The following WAC variants were observed in gnomAD, a reference collection of about 807,000 sequenced individuals.
The protein encoded by WAC is WW domain containing adaptor with coiled-coil.
Under a neutral mutation model 79.6 loss-of-function variants are expected in WAC, and 11 were observed. That is an observed-to-expected ratio of 0.14 (90% CI 0.09 to 0.23). The LOEUF is 0.23. Among genes scored for constraint, WAC ranks in the 10% least tolerant of loss-of-function variants. WAC has a pLI of 1.00. For missense variants in WAC, 728 were observed against 773.5 expected (o/e 0.94, Z 0.70); for synonymous variants, 304 against 276.9 (o/e 1.10, Z -0.97).
chr10:28,603,942 AATATATATATGTATGTATG>A lies in WAC; in HGVS notation c.920-4243_920-4225del, dbSNP rs1366424355. On this transcript the variant is annotated intron_variant, in intron 7 of 13. Coordinates refer to ENST00000354911, the MANE Select transcript of WAC (RefSeq NM_016628.5). ...GAGCAAGACTCCGTCTCAAAAAAAA[AATATATATATGTATGTATG>A]TATATATATATATATATATATATAT... Among the ~76,000 whole-genome samples, 86 of 21,978 alleles carry A rather than the reference AATATATATATGTATGTATG, an allele frequency of 3.9e-3. 3 individuals carry two copies. The highest frequency in any genetic ancestry group is 7.7e-3 in the South Asian group (3 of 392). 14.4% of individuals were successfully genotyped at this position (21,978 alleles called of 152,430 possible).
Position 28,616,272 on chromosome 10 carries a change from G to A in WAC, c.1656G>A (p.Thr552=), listed in dbSNP as rs751850951. Residue 552 remains threonine, a synonymous_variant, in exon 12 of 14, where the codon ACG becomes ACA. Transcript: ENST00000354911. Reference sequence around the variant, plus strand: ...CACAGAATTCTTCTGCCCGATCCACGTGTTCATTAACGCCTGCACTAGCAG... The same window carrying A: ...CACAGAATTCTTCTGCCCGATCCACATGTTCATTAACGCCTGCACTAGCAG... ...VVPQNSSARS[T]CSLTPALAAH... 11 of 1,613,776 alleles carry A rather than the reference G, an allele frequency of 6.8e-6. No homozygotes were observed. The highest frequency in any genetic ancestry group is 2.7e-5 in the African/African-American group (2 of 74,886).
In WAC at chr10:28,608,259, C is replaced by G; in HGVS notation, c.993C>G (p.Asn331Lys). The G allele has an allele frequency of 1.2e-6, 2 of 1,614,164 alleles. No individual in the cohort carries two copies. Among genetic ancestry groups the G allele is most frequent in the Non-Finnish European group, 1.7e-6 (2 of 1,180,026 alleles). Residue 331 changes from asparagine to lysine, a missense_variant, in exon 8 of 14, where the codon AAC (asparagine) becomes AAG (lysine). Physicochemically the swap from Asn to Lys is moderately conservative, Grantham distance 94. Around this residue, in one of 3 missense-constraint regions of WAC, gnomAD observed 648 missense variants for 661.5 expected, o/e 0.98. Transcript: ENST00000354911. ...CCACGTCTTCTGCCTCTGGACTGAA[C>G]CCCACATCTGCACCTCCAACATCTG... ...TPSTSSASGLNPTSAPPTSAS... is the reference protein window; with the variant it reads ...TPSTSSASGLKPTSAPPTSAS...
intron 3 of WAC, among the ~76,000 whole-genome samples, chr10:28,541,863 CCCCTA>C (rs1837070860): frequency 6.6e-6 from 1 of 152,048 alleles, no homozygotes; most frequent in African/African-American, 2.4e-5. Context: ...CTGCAAGAGC[CCCCTA>C]GTGTTCCCGA....
chr10:28,536,153 A>G (rs1031499438), intron 3 of WAC, among the ~76,000 whole-genome samples: 1 of 151,862 alleles, frequency 6.6e-6, no homozygotes, highest in South Asian at 2.1e-4. Context: ...AAGCTAAGGT[A>G]GGAGAATCAC....
chr10:28,590,941 A>G, intron 6 of WAC, 109 bp downstream of exon 6: 3 of 896,642 alleles, frequency 3.3e-6, no homozygotes, highest in Non-Finnish European at 5.2e-6. Flanking sequence ...AAATAGAAAC[A>G]TACGGAGATT....
At chr10:28,595,282 T>C (rs1840300797) in intron 6 of WAC, among the ~76,000 whole-genome samples, 3 of 152,230 alleles carry the variant, frequency 2.0e-5, no homozygotes, top group South Asian at 2.1e-4. Context: ...AAGCCTAATA[T>C]TCCTTTGCAG....
intron 12 of WAC, 101 bp downstream of exon 12, chr10:28,616,463 T>A: frequency 1.0e-6 from 1 of 967,948 alleles, no homozygotes; most frequent in African/African-American, 1.6e-5. Context: ...TCAAGCAATA[T>A]TTAAAATAAT....
At chr10:28,600,825 TAAAGATACATAA>T (rs1211067973) in intron 7 of WAC, among the ~76,000 whole-genome samples, 2 of 151,814 alleles carry the variant, frequency 1.3e-5, no homozygotes, top group African/African-American at 4.8e-5. Context: ...CAGGATACAT[TAAAGATACATAA>T]AAAGATACAT....
At chr10:28,541,442 T>TG (rs1837040584) in intron 3 of WAC, among the ~76,000 whole-genome samples, 2 of 144,932 alleles carry the variant, frequency 1.4e-5, no homozygotes, top group Non-Finnish European at 3.0e-5. Context: ...TTTTTTTTTT[T>TG]TTTTAAGACA....
intron 3 of WAC, among the ~76,000 whole-genome samples, chr10:28,539,376 T>C (rs1836875132): frequency 6.6e-6 from 1 of 152,230 alleles, no homozygotes; most frequent in Non-Finnish European, 1.5e-5. Flanking sequence ...GTTAGAGATT[T>C]TATCCATTAG....
At chr10:28,601,438 T>G (rs1840643333) in intron 7 of WAC, among the ~76,000 whole-genome samples, 1 of 152,100 alleles carries the variant, frequency 6.6e-6, no homozygotes, top group Non-Finnish European at 1.5e-5. Context: ...ATGAAAAAAT[T>G]GAAACCCTTG....
intron 5 of WAC, among the ~76,000 whole-genome samples, chr10:28,590,363 A>G (rs1261068523): frequency 6.6e-6 from 1 of 151,934 alleles, no homozygotes; most frequent in African/African-American, 2.4e-5. Context: ...GCTGTCCACA[A>G]AGGACTTTTG....
intron 3 of WAC, among the ~76,000 whole-genome samples, chr10:28,541,420 GTT>G (rs869099181): frequency 2.0e-4 from 10 of 49,216 alleles, no homozygotes; most frequent in East Asian, 6.6e-4. Context: ...TGTGTGTTTT[GTT>G]TTTTTTTTTT....
chr10:28,599,423 A>G (rs1840531583), intron 7 of WAC, among the ~76,000 whole-genome samples: 1 of 152,168 alleles, frequency 6.6e-6, no homozygotes, highest in Non-Finnish European at 1.5e-5. Context: ...GTAGATGCCT[A>G]TACAACAGTG....
chr10:28,574,856 G>A (rs1341132345), intron 3 of WAC, among the ~76,000 whole-genome samples: 3 of 152,070 alleles, frequency 2.0e-5, no homozygotes, highest in Non-Finnish European at 2.9e-5. Context: ...TTGGTTGGTC[G>A]GTGGTTTTTT....
chr10:28,546,952 T>C (rs904633316), intron 3 of WAC, among the ~76,000 whole-genome samples: 1 of 152,180 alleles, frequency 6.6e-6, no homozygotes, highest in African/African-American at 2.4e-5. Context: ...GGCTTTCTTT[T>C]TGTTTCTAAT....
rs3029447 is a variant in WAC at position 28,552,845 on chromosome 10, C to CTTTTTTTTTTTTT, written c.274+17099_274+17111dup. Reference sequence around the variant, plus strand: ...GACAGTGAGCAAATCCACTTGGCTGCTTTTTTTTTTTTTTTTTTTTTTTGT... The same window carrying CTTTTTTTTTTTTT: ...GACAGTGAGCAAATCCACTTGGCTGCTTTTTTTTTTTTTTTTTTTTTTTTTTTTTTTTTTTTGT... On this transcript the variant is annotated intron_variant, in intron 3 of 13. Coordinates refer to ENST00000354911, the MANE Select transcript of WAC (RefSeq NM_016628.5). 3.7e-4 allele frequency among the ~76,000 whole-genome samples: 31 copies of CTTTTTTTTTTTTT among 84,354 alleles called. 1 individual carries two copies. Among genetic ancestry groups the CTTTTTTTTTTTTT allele is most frequent in the Non-Finnish European group, 5.2e-4 (24 of 46,406 alleles). 55.3% of individuals were successfully genotyped at this position (84,354 alleles called of 152,430 possible).
chr10:28,565,923 G>A (rs889416203), intron 3 of WAC, among the ~76,000 whole-genome samples: 3 of 151,952 alleles, frequency 2.0e-5, no homozygotes, highest in African/African-American at 4.8e-5. Context: ...CTGTATTTTC[G>A]AGATGTTTAA....
intron 3 of WAC, among the ~76,000 whole-genome samples, chr10:28,555,302 C>T (rs984087138): frequency 6.6e-6 from 1 of 152,194 alleles, no homozygotes; most frequent in Admixed American, 6.5e-5. Context: ...AACCTTATAT[C>T]TCTGAGTTAT....
Sources: gnomAD v4.1 joint callset for allele counts (sites outside exome capture counted in the v4.1 genomes callset) on GRCh38, gnomAD v4.1.1 for gene constraint, gnomAD v4.1.1 regional missense constraint, MANE v1.5 for transcripts, NCBI Gene and HGNC (gene_info 2026-07-23, HGNC 2026-07-21) for gene names.